CDH5: variants seen among roughly 807,000 people sequenced by gnomAD.
CDH5 encodes cadherin 5, also known as cadherin-5.
In CDH5, 28 loss-of-function variants were observed where a neutral mutation model predicts 62.0. The ratio of observed to expected loss-of-function variants is 0.45; its 90% CI spans 0.33 to 0.62. The LOEUF (loss-of-function observed/expected upper bound fraction) is 0.62, where lower values mean the gene tolerates loss of function less well. CDH5 is among the 20% of genes least tolerant of loss of function. The pLI is 0.02. For synonymous variants in CDH5, 464 were observed against 445.8 expected (o/e 1.04, Z -0.52); for missense variants, 940 against 1,065.1 (o/e 0.88, Z 1.63).
Position 66,392,798 on chromosome 16 carries a change from A to T in CDH5, c.1217+415A>T. On this transcript the variant is annotated intron_variant, in intron 7 of 11. Transcript: ENST00000341529. ...AAGAAGTGTTCATTTTATACAGTGA[A>T]ACAACACAGAGATCTACCAAGAAAA... The T allele has an allele frequency of 1.2e-4, 22 of 180,946 alleles. No individual in the cohort carries two copies. In the East Asian group the frequency reaches 2.4e-3, roughly 20 times the overall value. 11.2% of individuals were successfully genotyped at this position (180,946 alleles called of 1,614,324 possible). A position where few individuals can be genotyped will look rare whatever the true frequency, so the allele number is the denominator to read the frequency against.
chr16:66,387,518 T>C (rs994183599), intron 3 of CDH5, among the ~76,000 whole-genome samples: 1 of 152,216 alleles, frequency 6.6e-6, no homozygotes, highest in African/African-American at 2.4e-5. Context: ...GCCCTGCCCC[T>C]AGTCATAGAC....
intron 10 of CDH5, 65 bp from the exon 11 acceptor site, chr16:66,400,706 G>A: frequency 2.5e-6 from 4 of 1,607,360 alleles, no homozygotes; most frequent in Non-Finnish European, 3.4e-6. Flanking sequence ...GGGCTTCCTG[G>A]AGGAGCCAGG....
chr16:66,375,754 A>G (rs1226496451), intron 1 of CDH5, among the ~76,000 whole-genome samples: 3 of 151,844 alleles, frequency 2.0e-5, no homozygotes, highest in African/African-American at 7.3e-5. Flanking sequence ...TCTTTCGTCA[A>G]TAAGAAATTA....
At chr16:66,382,982 G>A (rs961193083) in intron 2 of CDH5, among the ~76,000 whole-genome samples, 8 of 152,194 alleles carry the variant, frequency 5.3e-5, no homozygotes, top group African/African-American at 1.9e-4. Flanking sequence ...GGGGTAGGGA[G>A]AGTGGAGGCT....
At position 66,379,532 on chromosome 16, in the gene CDH5, C is replaced by T. The variant is rs769449662; in HGVS notation, c.195C>T (p.Pro65=). The T allele has an allele frequency of 7.4e-6, 12 of 1,614,122 alleles. No individual in the cohort carries two copies. The highest frequency in any genetic ancestry group is 2.2e-5 in the East Asian group (1 of 44,888). The part of the protein sequence containing the change: ...HIDEEKNTSL[P]HHVGKIKSSV... Reference sequence around the variant, plus strand: ...ATGAAGAGAAAAACACCTCACTTCCCCATCATGTAGGCAAGGTAAGGCTCA... The same window carrying T: ...ATGAAGAGAAAAACACCTCACTTCCTCATCATGTAGGCAAGGTAAGGCTCA... The change falls in exon 2 of 12, where the codon CCC becomes CCT. Residue 65 remains proline, a synonymous_variant. Transcript: ENST00000341529.
At chr16:66,374,783 GTTTAA>G (rs1166166621) in intron 1 of CDH5, among the ~76,000 whole-genome samples, 1 of 145,824 alleles carries the variant, frequency 6.9e-6, no homozygotes, top group East Asian at 2.0e-4. Context: ...TTTTCTCTTT[GTTTAA>G]TTTTATTTAT....
rs375751151 is a variant in CDH5, at chr16:66,390,435, C to A, written c.814C>A (p.Arg272Ser). 1.2e-6 allele frequency: 2 copies of A among 1,614,006 alleles called. No homozygotes were observed. Among genetic ancestry groups the A allele is most frequent in the African/African-American group, 2.7e-5 (2 of 75,018 alleles). Reference protein sequence around the residue: ...KYTFVVPEDTRVGTSVGSLFV... With the variant: ...KYTFVVPEDTSVGTSVGSLFV... ...CACATTTGTCGTGCCTGAAGACACC[C>A]GTGTGGGCACCTCTGTGGGCTCTCT... Residue 272 changes from arginine to serine, a missense_variant, in exon 6 of 12, where the codon CGT becomes AGT. By Grantham distance (110) the Arg-to-Ser change is moderately radical. Coordinates refer to ENST00000341529, the MANE Select transcript of CDH5 (RefSeq NM_001795.5).
intron 10 of CDH5, among the ~76,000 whole-genome samples, chr16:66,400,037 C>A (rs1162562451): frequency 2.6e-5 from 4 of 152,194 alleles, no homozygotes; most frequent in Admixed American, 2.6e-4. Flanking sequence ...TCCTGGGACC[C>A]TGCAAAAGGC....
chr16:66,400,736 G>A (rs2142344323), intron 10 of CDH5, 35 bp from the exon 11 acceptor site: 2 of 1,613,800 alleles, frequency 1.2e-6, no homozygotes, highest in East Asian at 4.5e-5. Context: ...CTGTGCAGAT[G>A]GCAAAGCCTG....
chr16:66,385,532 T>C (rs1960968323), intron 2 of CDH5, among the ~76,000 whole-genome samples: 1 of 152,222 alleles, frequency 6.6e-6, no homozygotes, highest in Non-Finnish European at 1.5e-5. Flanking sequence ...TGTGCTGATA[T>C]ATGTTTGACA....
chr16:66,370,104 G>A (rs558349091), intron 1 of CDH5, among the ~76,000 whole-genome samples: 12 of 152,232 alleles, frequency 7.9e-5, no homozygotes, highest in African/African-American at 2.4e-4. Flanking sequence ...AGATTCAAGC[G>A]ATTCTCCTGC....
chr16:66,402,015 T>G (rs527481462), intron 11 of CDH5, among the ~76,000 whole-genome samples: 37 of 152,226 alleles, frequency 2.4e-4, no homozygotes, highest in Non-Finnish European at 5.1e-4. Context: ...TCTCCTTTAT[T>G]AATAATTAAT....
chr16:66,379,494 C>T lies in CDH5; in HGVS notation c.157C>T (p.Gln53Ter). ...RRQKRDWIWN[Q>*]MHIDEEKNTS... is the part of the protein sequence containing the mutation. ...CCAAAAGAGAGATTGGATTTGGAAC[C>T]AGATGCACATTGATGAAGAGAAAAA... The change falls in exon 2 of 12, where the codon CAG (glutamine) becomes TAG (stop). Residue 53 changes from glutamine to a stop codon, truncating the protein, a stop_gained. Transcript: ENST00000341529. LOFTEE classifies it high-confidence loss of function. 6.2e-7 allele frequency: 1 copy of T among 1,614,234 alleles called. No individual in the cohort carries two copies. The highest frequency in any genetic ancestry group is 8.5e-7 in the Non-Finnish European group (1 of 1,180,048).
chr16:66,390,322 T>G, intron 5 of CDH5, 81 bp from the exon 6 acceptor site: 1 of 1,051,346 alleles, frequency 9.5e-7, no homozygotes. Flanking sequence ...TTTATCAAAA[T>G]ATGTTAGAAT....
At position 66,396,063 on chromosome 16, in the gene CDH5, T is replaced by G. The variant is rs1449877581; in HGVS notation, c.1222T>G (p.Ser408Ala). The change falls in exon 8 of 12, where the codon TCC becomes GCC. Residue 408 changes from serine to alanine, a missense_variant. Physicochemically the swap from Ser to Ala is moderately conservative, Grantham distance 99. Coordinates refer to ENST00000341529, the MANE Select transcript of CDH5 (RefSeq NM_001795.5). The stretch of plus-strand genomic sequence containing the variant: ...GAAACTCTCTCCCCTGGGCAGATAC[T>G]CCATCCGCAGGACCAGTGACAAGGG... ...PDAARHSIGY[S>A]IRRTSDKGQF... 6.2e-7 allele frequency: 1 copy of G among 1,613,532 alleles called. No homozygotes were observed. The highest frequency in any genetic ancestry group is 8.5e-7 in the Non-Finnish European group (1 of 1,179,958).
intron 2 of CDH5, among the ~76,000 whole-genome samples, chr16:66,380,691 T>A (rs1170297725): frequency 6.6e-6 from 1 of 151,192 alleles, no homozygotes; most frequent in Admixed American, 6.6e-5. Context: ...GTGATGGTGA[T>A]GGTGGTGAGG....
Position 66,389,491 on chromosome 16 carries a change from C to T in CDH5, c.750C>T (p.Asp250=), listed in dbSNP as rs1217658777. ...CCACCGTGCTGGTCACTCTGCAAGA[C>T]ATCAATGACAACTTCCCCTTCTTCA... ...GTATVLVTLQ[D]INDNFPFFTQ... is the part of the protein sequence containing the mutation. Residue 250 remains aspartate, a synonymous_variant, in exon 5 of 12, where the codon GAC becomes GAT. Transcript: ENST00000341529. 2 of 1,602,664 alleles carry T rather than the reference C, an allele frequency of 1.2e-6. No homozygotes were observed. The highest frequency in any genetic ancestry group is 2.3e-5 in the East Asian group (1 of 44,314).
Position 66,392,403 on chromosome 16 carries a change from T to C in CDH5, c.1217+20T>C. The C allele has an allele frequency of 3.7e-6, 6 of 1,613,616 alleles. No homozygotes were observed. The highest frequency in any genetic ancestry group is 1.1e-5 in the South Asian group (1 of 91,050). The stretch of plus-strand genomic sequence containing the variant: ...CATTGGGTAAGGGGGCGTGTGTCGA[T>C]GAGAATGATAAGGACAATCCGGCCT... On this transcript the variant is annotated intron_variant, in intron 7 of 11. Transcript: ENST00000341529.
At chr16:66,396,500 C>T (rs1011655448) in intron 8 of CDH5, among the ~76,000 whole-genome samples, 9 of 152,134 alleles carry the variant, frequency 5.9e-5, no homozygotes, top group Non-Finnish European at 1.0e-4. Flanking sequence ...GTCTCTGTGA[C>T]GAGAATCACC....
Sources: allele counts gnomAD v4.1 joint callset (sites outside exome capture counted in the v4.1 genomes callset), GRCh38; gene constraint gnomAD v4.1.1; transcripts MANE v1.5; gene names NCBI Gene and HGNC (gene_info 2026-07-23, HGNC 2026-07-21).